The following CSMD1 variants were observed in gnomAD, a reference collection of about 807,000 sequenced individuals.
CSMD1 encodes CUB and Sushi multiple domains 1, also known as CUB and sushi domain-containing protein 1.
In CSMD1, 213 loss-of-function variants were observed where a neutral mutation model predicts 417.5. The observed-to-expected ratio is 0.51, with a 90% CI of 0.46 to 0.57. The LOEUF (loss-of-function observed/expected upper bound fraction) is 0.57, where lower values mean the gene tolerates loss of function less well. CSMD1 is among the 20% of genes least tolerant of loss of function. The pLI, the probability that CSMD1 is intolerant of heterozygous loss-of-function variation, is 0.00. For synonymous variants in CSMD1, 2,862 were observed against 1,736.8 expected (o/e 1.65, Z -16.11); for missense variants, 6,923 against 4,529.7 (o/e 1.53, Z -15.17).
intron 1 of CSMD1, among the ~76,000 whole-genome samples, chr8:4,680,694 C>T (rs569855993): frequency 1.9e-4 from 29 of 152,208 alleles, no homozygotes; most frequent in African/African-American, 6.7e-4. Context: ...ACTCTCCCGC[C>T]TCAGCCTCCC....
intron 12 of CSMD1, among the ~76,000 whole-genome samples, chr8:3,461,076 T>C (rs1816470643): frequency 6.6e-6 from 1 of 152,220 alleles, no homozygotes; most frequent in Admixed American, 6.5e-5. Flanking sequence ...ACTCTTTCCC[T>C]TGCATGGGCC....
intron 3 of CSMD1, among the ~76,000 whole-genome samples, chr8:4,297,587 T>G (rs17069848): frequency 0.058 from 8,902 of 152,224 alleles, 296 homozygotes; most frequent in South Asian, 0.11. Flanking sequence ...TTTAGATGTT[T>G]AAAATTCCTG....
At chr8:3,817,109 A>T (rs1270066955) in intron 5 of CSMD1, among the ~76,000 whole-genome samples, 1 of 151,958 alleles carries the variant, frequency 6.6e-6, no homozygotes, top group African/African-American at 2.4e-5. Context: ...AGAAATGAAG[A>T]TCTTATAGAG....
intron 3 of CSMD1, among the ~76,000 whole-genome samples, chr8:4,372,764 T>A (rs767125896): frequency 1.1e-4 from 16 of 151,596 alleles, no homozygotes; most frequent in African/African-American, 3.6e-4. Flanking sequence ...AAAAGTAGCA[T>A]TGGATAACCC....
intron 3 of CSMD1, among the ~76,000 whole-genome samples, chr8:4,057,801 C>G (rs1798773709): frequency 6.6e-6 from 1 of 152,150 alleles, no homozygotes; most frequent in South Asian, 2.1e-4. Context: ...CTCCTTTCCC[C>G]ATTGCTTGTT....
At chr8:3,729,955 AAAAAAAC>A (rs1802738913) in intron 6 of CSMD1, among the ~76,000 whole-genome samples, 2 of 12,268 alleles carry the variant, frequency 1.6e-4, no homozygotes, top group African/African-American at 2.7e-4. Flanking sequence ...AAAAAAAAAA[AAAAAAAC>A]AAAAACAGAA....
chr8:3,734,180 T>C (rs767552904), intron 6 of CSMD1, among the ~76,000 whole-genome samples: 5 of 152,222 alleles, frequency 3.3e-5, no homozygotes, highest in African/African-American at 4.8e-5. Context: ...CTTAAAACAT[T>C]GAGCTGATGC....
intron 25 of CSMD1, among the ~76,000 whole-genome samples, chr8:3,304,353 C>A (rs1804648299): frequency 6.6e-6 from 1 of 152,032 alleles, no homozygotes; most frequent in Admixed American, 6.6e-5. Flanking sequence ...TAAGACCAGA[C>A]ACCATTTTTT....
At chr8:4,594,601 A>T (rs913012037) in intron 2 of CSMD1, among the ~76,000 whole-genome samples, 1 of 152,178 alleles carries the variant, frequency 6.6e-6, no homozygotes, top group South Asian at 2.1e-4. Flanking sequence ...AACCCATAAC[A>T]GGAAACAAGA....
chr8:4,778,324 T>C (rs1221135856), intron 1 of CSMD1, among the ~76,000 whole-genome samples: 3 of 152,204 alleles, frequency 2.0e-5, no homozygotes, highest in Admixed American at 6.5e-5. Context: ...GATGATACCA[T>C]ATGTGGCCTA....
intron 12 of CSMD1, among the ~76,000 whole-genome samples, chr8:3,451,591 G>A (rs55798050): frequency 0.098 from 14,854 of 152,126 alleles, 869 homozygotes; most frequent in East Asian, 0.25. Context: ...CCCATTTCCT[G>A]TTTTTGTCAG....
intron 5 of CSMD1, among the ~76,000 whole-genome samples, chr8:3,953,651 C>T (rs145870385): frequency 7.3e-4 from 111 of 152,080 alleles, no homozygotes; most frequent in Non-Finnish European, 1.3e-3. Context: ...CACCTAAGAA[C>T]GCTGGGACTG....
intron 5 of CSMD1, among the ~76,000 whole-genome samples, chr8:3,824,433 C>A (rs531877890): frequency 2.6e-5 from 4 of 152,128 alleles, no homozygotes; most frequent in African/African-American, 4.8e-5. Flanking sequence ...CATTACAATC[C>A]TGTGTAACTT....
At chr8:3,487,385 T>C (rs1408273594) in intron 11 of CSMD1, among the ~76,000 whole-genome samples, 1 of 152,102 alleles carries the variant, frequency 6.6e-6, no homozygotes, top group Non-Finnish European at 1.5e-5. Context: ...GTATTTTTAG[T>C]AGAGACAGGG....
intron 3 of CSMD1, among the ~76,000 whole-genome samples, chr8:4,382,186 G>A (rs980475465): frequency 1.3e-5 from 2 of 152,118 alleles, no homozygotes; most frequent in Non-Finnish European, 2.9e-5. Context: ...ATATAATTAG[G>A]AAGAATAAAA....
At chr8:3,277,300 G>C (rs1450607545) in intron 26 of CSMD1, among the ~76,000 whole-genome samples, 1 of 152,144 alleles carries the variant, frequency 6.6e-6, no homozygotes, top group African/African-American at 2.4e-5. Flanking sequence ...GCAGAAGTGA[G>C]GCGTTGCCCA....
chr8:4,762,442 T>C (rs2117102597), intron 1 of CSMD1, among the ~76,000 whole-genome samples: 1 of 152,316 alleles, frequency 6.6e-6, no homozygotes, highest in African/African-American at 2.4e-5. Flanking sequence ...ACGTGTATTT[T>C]CTCAAGCATC....
intron 5 of CSMD1, among the ~76,000 whole-genome samples, chr8:3,760,961 C>CTTT (rs386411910): frequency 6.6e-6 from 1 of 150,474 alleles, no homozygotes; most frequent in African/African-American, 2.4e-5. Context: ...TGTGCTTTTT[C>CTTT]TTTTTTTTTT....
chr8:4,981,925 G>C (rs73179227), intron 1 of CSMD1, among the ~76,000 whole-genome samples: 37,036 of 151,946 alleles, frequency 0.24, 5,748 homozygotes, highest in Non-Finnish European at 0.35. Context: ...AACCTGGTTT[G>C]AGCCATGCTA....
Sources: allele counts gnomAD v4.1 joint callset (sites outside exome capture counted in the v4.1 genomes callset), GRCh38; gene constraint gnomAD v4.1.1; transcripts MANE v1.5; gene names NCBI Gene and HGNC (gene_info 2026-07-23, HGNC 2026-07-21).